Variants in BRWD1 observed in about 807,000 individuals in gnomAD.
The protein encoded by BRWD1 is bromodomain and WD repeat domain containing 1.
A neutral mutation model predicts 251.2 loss-of-function variants in BRWD1; 82 were observed. The observed-to-expected ratio is 0.33, with a 90% CI of 0.27 to 0.39. The LOEUF (loss-of-function observed/expected upper bound fraction) is 0.39, where lower values mean the gene tolerates loss of function less well. Ranked by LOEUF, BRWD1 falls within the 10% of genes least tolerant of loss-of-function variation. BRWD1 has a pLI of 1.00. For missense variants in BRWD1, 2,233 were observed against 2,711.6 expected, an observed-to-expected ratio of 0.82 and a Z score of 3.92; for synonymous variants, 918 against 902.8, an observed-to-expected ratio of 1.02 and a Z score of -0.30.
chr21:39,277,753 T>C (rs1203966886), intron 10 of BRWD1, among the ~76,000 whole-genome samples: 1 of 152,004 alleles, frequency 6.6e-6, no homozygotes, highest in Non-Finnish European at 1.5e-5. Context: ...TTAGTAGAGA[T>C]GGGGGTCTCA....
intron 8 of BRWD1, among the ~76,000 whole-genome samples, chr21:39,285,560 C>A (rs1192957721): frequency 1.3e-5 from 2 of 152,094 alleles, no homozygotes; most frequent in East Asian, 3.8e-4. Context: ...TGCATATATG[C>A]ACTGAAACAT....
chr21:39,296,358 T>A lies in BRWD1; in HGVS notation c.355A>T (p.Arg119Trp). 1 of 1,565,140 alleles carries A rather than the reference T, an allele frequency of 6.4e-7. No homozygotes were observed. Among genetic ancestry groups the A allele is most frequent in the Non-Finnish European group, 8.6e-7 (1 of 1,161,418 alleles). ...GCAGAGCCCTTCCAAACTGTGTGCC[T>A]GCAGTCTTTAAAATGAATTTTAGAT... is the stretch of plus-strand genomic sequence containing the variant. ...QSLLRTAKDC[R>W]HTVWKGSAFA... The change falls in exon 6 of 41, where the codon AGG becomes TGG. Residue 119 changes from arginine (R) to tryptophan (W), a missense_variant. By Grantham distance (101) the Arg-to-Trp change is moderately radical. Transcript: ENST00000342449.
At chr21:39,311,511 CA>C (rs1441346421) in intron 4 of BRWD1, among the ~76,000 whole-genome samples, 1 of 152,192 alleles carries the variant, frequency 6.6e-6, no homozygotes, top group Non-Finnish European at 1.5e-5. Flanking sequence ...ACATTTGTTT[CA>C]AGTTATTTTC....
intron 8 of BRWD1, among the ~76,000 whole-genome samples, chr21:39,288,000 T>G (rs534230958): frequency 6.6e-6 from 1 of 152,336 alleles, no homozygotes; most frequent in East Asian, 1.9e-4. Context: ...AACAGCAGCT[T>G]AGCTAGATAG....
At chr21:39,253,022 G>C (rs1348432906) in intron 19 of BRWD1, among the ~76,000 whole-genome samples, 11 of 152,156 alleles carry the variant, frequency 7.2e-5, no homozygotes, top group Non-Finnish European at 1.6e-4. Context: ...GGATGCGGTG[G>C]CTCACGCCTG....
Position 39,195,773 on chromosome 21 carries a change from A to G in BRWD1, c.*486T>C. The G allele has an allele frequency of 1.0e-6, 1 of 985,622 alleles. No individual in the cohort carries two copies. Among genetic ancestry groups the G allele is most frequent in the Non-Finnish European group, 1.2e-6 (1 of 829,866 alleles). The allele number at this position is 985,622 out of a possible 1,614,324, so 61.1% of individuals were successfully genotyped here. ...AAAAAAAGTGGTAGGTACCTCGCCT[A>G]CTAATCATGGTTACACCTCCCATGA... On this transcript the variant is annotated 3_prime_UTR_variant, in exon 41 of 41. Transcript: ENST00000342449.
chr21:39,184,588 T>C (rs775903454), downstream of BRWD1: 12 of 152,254 alleles, frequency 7.9e-5, no homozygotes, highest in Admixed American at 2.0e-4. Flanking sequence ...AGAGAGCCTG[T>C]TGAGATAAAA....
chr21:39,277,365 G>A lies in BRWD1; in HGVS notation c.1004-14C>T. 1.3e-6 allele frequency: 2 copies of A among 1,531,712 alleles called. No homozygotes were observed. The highest frequency in any genetic ancestry group is 1.2e-5 in the South Asian group (1 of 82,586). The allele number at this position is 1,531,712 out of a possible 1,614,324, so 94.9% of individuals were successfully genotyped here. The stretch of plus-strand genomic sequence containing the variant: ...AAAACATACCACCTGAAATAAAAAT[G>A]GTAAGGTTTAAACATCCAGTTTATA... On this transcript the variant is annotated splice_polypyrimidine_tract_variant and intron_variant, in intron 10 of 40. Transcript: ENST00000342449.
intron 7 of BRWD1, among the ~76,000 whole-genome samples, chr21:39,295,535 T>C (rs2035939934): frequency 6.6e-6 from 1 of 152,192 alleles, no homozygotes; most frequent in Non-Finnish European, 1.5e-5. Context: ...TAAGAACGAC[T>C]ACTCTAAATC....
chr21:39,267,541 G>A (rs2034963092), intron 15 of BRWD1, among the ~76,000 whole-genome samples: 1 of 152,136 alleles, frequency 6.6e-6, no homozygotes, highest in African/African-American at 2.4e-5. Context: ...GGAGCTTGCA[G>A]TGAGCCGAGA....
intron 8 of BRWD1, among the ~76,000 whole-genome samples, chr21:39,282,315 G>C (rs2035494688): frequency 6.6e-6 from 1 of 151,960 alleles, no homozygotes; most frequent in African/African-American, 2.4e-5. Flanking sequence ...AAGACTAATA[G>C]TGCCATTAAC....
At chr21:39,266,072 C>T (rs1391935500) in intron 15 of BRWD1, among the ~76,000 whole-genome samples, 2 of 152,104 alleles carry the variant, frequency 1.3e-5, no homozygotes, top group African/African-American at 2.4e-5. Flanking sequence ...GTTACGCGTT[C>T]GGTGTTGGAG....
chr21:39,285,274 T>G (rs2035596866), intron 8 of BRWD1, among the ~76,000 whole-genome samples: 1 of 152,138 alleles, frequency 6.6e-6, no homozygotes, highest in African/African-American at 2.4e-5. Flanking sequence ...TAAAAGTTGA[T>G]TTCACAGAAG....
chr21:39,232,060 T>C, intron 25 of BRWD1, 117 bp downstream of exon 25: 1 of 940,986 alleles, frequency 1.1e-6, no homozygotes, highest in Non-Finnish European at 1.6e-6. Flanking sequence ...AGAAATGTTA[T>C]CAAGTAGGAA....
At chr21:39,244,450 T>A (rs1052107818) in intron 21 of BRWD1, among the ~76,000 whole-genome samples, 1 of 152,166 alleles carries the variant, frequency 6.6e-6, no homozygotes, top group African/African-American at 2.4e-5. Flanking sequence ...AAAGAGATTA[T>A]AAGAGTGCCT....
intron 23 of BRWD1, 54 bp from the exon 24 acceptor site, chr21:39,232,552 T>C: frequency 6.5e-7 from 1 of 1,547,510 alleles, no homozygotes; most frequent in Non-Finnish European, 8.6e-7. Context: ...CAGCATGCAC[T>C]GTCTGAATGA....
chr21:39,191,895 T>C lies in BRWD1; in HGVS notation c.*4364A>G. The C allele has an allele frequency of 2.0e-6, 2 of 982,662 alleles. No individual in the cohort carries two copies. Among genetic ancestry groups the C allele is most frequent in the Non-Finnish European group, 2.4e-6 (2 of 827,488 alleles). The allele number at this position is 982,662 out of a possible 1,614,324, so 60.9% of individuals were successfully genotyped here. ...ATAACTAAAATATGACCAGAAAGTATACCATAGCATTGATAATTAAATTCA... is the reference window on the plus strand; with the variant it reads ...ATAACTAAAATATGACCAGAAAGTACACCATAGCATTGATAATTAAATTCA... On this transcript the variant is annotated 3_prime_UTR_variant, in exon 41 of 41. Coordinates refer to ENST00000342449, the MANE Select transcript of BRWD1 (RefSeq NM_033656.4).
At chr21:39,208,072 C>T (rs974515667) in intron 36 of BRWD1, among the ~76,000 whole-genome samples, 1 of 152,104 alleles carries the variant, frequency 6.6e-6, no homozygotes, top group Non-Finnish European at 1.5e-5. Context: ...AGATTATAAA[C>T]GATGCCACTG....
chr21:39,195,534 T>C lies in BRWD1; in HGVS notation c.*725A>G, dbSNP rs2031767794. On this transcript the variant is annotated 3_prime_UTR_variant, in exon 41 of 41. Transcript: ENST00000342449. Reference sequence around the variant, plus strand: ...AATTTAAAAGAAAATGCTCTGACTATGCTCTGGTCCTAGAGGTTTAAAACA... The same window carrying C: ...AATTTAAAAGAAAATGCTCTGACTACGCTCTGGTCCTAGAGGTTTAAAACA... 1 of 984,374 alleles carries C rather than the reference T, an allele frequency of 1.0e-6. No homozygotes were observed. The highest frequency in any genetic ancestry group is 1.2e-6 in the Non-Finnish European group (1 of 828,720). 61.0% of individuals were successfully genotyped at this position (984,374 alleles called of 1,614,324 possible).
Sources: gnomAD v4.1 joint callset for allele counts (sites outside exome capture counted in the v4.1 genomes callset) on GRCh38, gnomAD v4.1.1 for gene constraint, MANE v1.5 for transcripts, NCBI Gene and HGNC (gene_info 2026-07-23, HGNC 2026-07-21) for gene names.